GBX1: variants seen among roughly 807,000 people sequenced by gnomAD.
The protein encoded by GBX1 is homeobox protein GBX-1.
In GBX1, 9 loss-of-function variants were observed where a neutral mutation model predicts 22.9. The ratio of observed to expected loss-of-function variants is 0.39; its 90% CI spans 0.24 to 0.69. The LOEUF (loss-of-function observed/expected upper bound fraction) is 0.69. GBX1 is among the 30% of genes least tolerant of loss of function. The probability of loss-of-function intolerance (pLI) is 0.43; values close to 1 mark genes in which losing one functional copy is unlikely to be tolerated. For missense variants in GBX1, 494 were observed against 509.2 expected, an observed-to-expected ratio of 0.97 and a Z score of 0.29; for synonymous variants, 203 against 227.3, an observed-to-expected ratio of 0.89 and a Z score of 0.96.
intron 1 of GBX1, 56 bp downstream of exon 1, chr7:151,166,955 C>G (rs1190867824): frequency 1.9e-6 from 3 of 1,570,088 alleles, no homozygotes; most frequent in East Asian, 2.3e-5. Flanking sequence ...AGGTTCCTGT[C>G]TGGAATTTCC....
intron 1 of GBX1, among the ~76,000 whole-genome samples, chr7:151,165,470 C>T (rs926279083): frequency 2.6e-5 from 4 of 152,196 alleles, no homozygotes; most frequent in African/African-American, 9.7e-5. Context: ...CTTTGATGGC[C>T]TGTCTTACTC....
rs763817253 is a variant in GBX1 at position 151,157,363 on chromosome 7, T to G, written c.539-8221A>C. Among the ~76,000 whole-genome samples the G allele has an allele frequency of 1.0e-3, 154 of 152,184 alleles. 3 individuals are homozygous for G. The highest frequency in any genetic ancestry group is 2.9e-4 in the Non-Finnish European group (20 of 68,020). On this transcript the variant is annotated intron_variant, in intron 1 of 1. Transcript: ENST00000297537. ...AGCTTCTAGTTTACAACTTTCTCCC[T>G]CATTCCTCATAGAGCTCTTTCTCGT...
At chr7:151,155,334 C>T (rs1370698089) in intron 1 of GBX1, among the ~76,000 whole-genome samples, 3 of 152,144 alleles carry the variant, frequency 2.0e-5, no homozygotes, top group African/African-American at 7.2e-5. Context: ...ACATATTTGC[C>T]ATCACTCCCA....
chr7:151,167,184 G>C lies in GBX1; in HGVS notation c.365C>G (p.Ala122Gly). The change falls in exon 1 of 2, where the codon GCC (alanine) becomes GGC (glycine). Residue 122 changes from alanine (A) to glycine (G), a missense_variant. Ala to Gly is a moderately conservative substitution (Grantham distance 60). Coordinates refer to ENST00000297537, the MANE Select transcript of GBX1 (RefSeq NM_001098834.3). The surrounding 1 kb of genome is among the most constrained non-coding windows in gnomAD (Gnocchi z 5.9). ...GGCGGCGGCGGCGGCAGCGGCGGCG[G>C]CGAGCTCCTGGGGCCCGTAGAAAGC... ...PDAFYGPQEL[A>G]AAAAAAAATA... 1 of 1,574,516 alleles carries C rather than the reference G, an allele frequency of 6.4e-7. No homozygotes were observed.
At chr7:151,150,746 G>C (rs1370968395) in intron 1 of GBX1, among the ~76,000 whole-genome samples, 1 of 147,366 alleles carries the variant, frequency 6.8e-6, no homozygotes, top group African/African-American at 2.5e-5. Context: ...TCTTTCTTTT[G>C]AGACAGAGTG....
intron 1 of GBX1, among the ~76,000 whole-genome samples, chr7:151,152,172 T>C (rs896209839): frequency 2.6e-5 from 4 of 152,246 alleles, no homozygotes; most frequent in African/African-American, 4.8e-5. Flanking sequence ...AATAAGCATC[T>C]GTTGACTAAA....
At position 151,167,042 on chromosome 7, in the gene GBX1, C is replaced by T. The variant is rs776393157; in HGVS notation, c.507G>A (p.Pro169=). The T allele has an allele frequency of 2.5e-6, 4 of 1,601,486 alleles. No individual in the cohort carries two copies. Among genetic ancestry groups the T allele is most frequent in the East Asian group, 2.3e-5 (1 of 43,090 alleles). Residue 169 remains proline (P), a synonymous_variant, in exon 1 of 2, where the codon CCG becomes CCA. Coordinates refer to ENST00000297537, the MANE Select transcript of GBX1 (RefSeq NM_001098834.3). The surrounding 1 kb of genome is among the most constrained non-coding windows in gnomAD (Gnocchi z 5.9). The part of the protein sequence containing the change: ...KVAEPPPPPP[P]HFSETFPSLP... ...GACTTGGAAAAGTCTCTGAGAAGTG[C>T]GGAGGCGGAGGTGGTGGGGGCTCTG... is the stretch of plus-strand genomic sequence containing the variant.
Position 151,167,510 on chromosome 7 carries a change from G to C in GBX1, c.39C>G (p.Asn13Lys). 2.0e-6 allele frequency: 3 copies of C among 1,481,904 alleles called. No homozygotes were observed. Among genetic ancestry groups the C allele is most frequent in the Non-Finnish European group, 2.7e-6 (3 of 1,125,844 alleles). 91.8% of individuals were successfully genotyped at this position (1,481,904 alleles called of 1,614,324 possible). A position where few individuals can be genotyped will look rare whatever the true frequency, so the allele number is the denominator to read the frequency against. The change falls in exon 1 of 2, where the codon AAC (asparagine) becomes AAG (lysine). Residue 13 changes from asparagine (N) to lysine (K), a missense_variant. Asn to Lys is a moderately conservative substitution (Grantham distance 94, BLOSUM62 0). Transcript: ENST00000297537. This position sits in a 1 kb window ranked among gnomAD's most constrained non-coding sequence, Gnocchi z 5.9. ...CCGGGCCCCCGCCGCCGCCCCCGCC[G>C]TTGCCCCCAGGGGCGCTACCGCCTC... ...RAGGGSAPGG[N>K]GGGGGGGPGT...
At chr7:151,151,024 G>A (rs567577226) in intron 1 of GBX1, among the ~76,000 whole-genome samples, 2 of 152,286 alleles carry the variant, frequency 1.3e-5, no homozygotes, top group South Asian at 2.1e-4. Flanking sequence ...GAGCCACTGC[G>A]CCCAGCTGAC....
intron 1 of GBX1, chr7:151,149,814 T>C: frequency 4.7e-6 from 2 of 428,730 alleles, no homozygotes; most frequent in Admixed American, 2.5e-5. Flanking sequence ...CTCCCAGCCA[T>C]GCAGCACCTT....
Position 151,167,262 on chromosome 7 carries a change from G to T in GBX1, c.287C>A (p.Pro96His). Reference protein sequence around the residue: ...TFCAGLGQAVPSMVALTTALP... With the variant: ...TFCAGLGQAVHSMVALTTALP... ...CGCGGTGGTCAGCGCCACCATCGAG[G>T]GCACAGCCTGACCCAGCCCCGCGCA... The change falls in exon 1 of 2, where the codon CCC becomes CAC. Residue 96 changes from proline to histidine, a missense_variant. Around this residue, in one of 3 missense-constraint regions of GBX1, gnomAD observed 365 missense variants for 340.4 expected, o/e 1.07. Transcript: ENST00000297537. The surrounding 1 kb of genome is among the most constrained non-coding windows in gnomAD (Gnocchi z 5.9). 6.5e-7 allele frequency: 1 copy of T among 1,549,596 alleles called. No individual in the cohort carries two copies. The highest frequency in any genetic ancestry group is 2.5e-5 in the East Asian group (1 of 40,188).
intron 1 of GBX1, among the ~76,000 whole-genome samples, chr7:151,154,508 C>T (rs116397111): frequency 0.013 from 2,009 of 152,222 alleles, 50 homozygotes; most frequent in African/African-American, 0.046. Context: ...ATTGAGTTTC[C>T]AGCTTGTTCC....
At chr7:151,160,343 CCTCTG>C (rs1356032183) in intron 1 of GBX1, among the ~76,000 whole-genome samples, 1 of 152,168 alleles carries the variant, frequency 6.6e-6, no homozygotes, top group East Asian at 1.9e-4. Context: ...AATGGAGACA[CCTCTG>C]CATTACTTCT....
chr7:151,157,560 C>A (rs60316221), intron 1 of GBX1, among the ~76,000 whole-genome samples: 4,686 of 152,226 alleles, frequency 0.031, 240 homozygotes, highest in African/African-American at 0.11. Context: ...TTCAGTATTT[C>A]TTCCTAATAC....
intron 1 of GBX1, among the ~76,000 whole-genome samples, chr7:151,160,791 C>A (rs1368596398): frequency 1.3e-5 from 2 of 152,222 alleles, no homozygotes; most frequent in Non-Finnish European, 2.9e-5. Context: ...TTTCTCCCAA[C>A]AAGCTCAGAC....
Position 151,159,270 on chromosome 7 carries a change from G to A in GBX1, c.538+7741C>T, listed in dbSNP as rs111987010. ...TAGCTAATTTTCTGTATTTTTTGTA[G>A]AGACGGGATTTTGCCATGTTGCCCA... is the stretch of plus-strand genomic sequence containing the variant. On this transcript the variant is annotated intron_variant, in intron 1 of 1. Transcript: ENST00000297537. 2.8e-3 allele frequency among the ~76,000 whole-genome samples: 421 copies of A among 152,072 alleles called. 2 individuals carry two copies. The highest frequency in any genetic ancestry group is 9.6e-3 in the African/African-American group (396 of 41,462).
Position 151,148,891 on chromosome 7 carries a change from G to T in GBX1, c.790C>A (p.Arg264Ser). 6.2e-7 allele frequency: 1 copy of T among 1,614,068 alleles called. No individual in the cohort carries two copies. Among genetic ancestry groups the T allele is most frequent in the Non-Finnish European group, 8.5e-7 (1 of 1,180,022 alleles). Residue 264 changes from arginine to serine, a missense_variant, in exon 2 of 2, where the codon CGC (arginine) becomes AGC (serine). Coordinates refer to ENST00000297537, the MANE Select transcript of GBX1 (RefSeq NM_001098834.3). This position sits in a 1 kb window ranked among gnomAD's most constrained non-coding sequence, Gnocchi z 5.1. ...TGCTCGCTGGTAAATGCTGTGCGGC[G>T]CCGTCGGCTTTTCCCCCCAGGAGCT... is the stretch of plus-strand genomic sequence containing the variant. Reference protein sequence around the residue: ...VTAPGGKSRRRRTAFTSEQLL... With the variant: ...VTAPGGKSRRSRTAFTSEQLL...
intron 1 of GBX1, among the ~76,000 whole-genome samples, chr7:151,166,445 C>G (rs1801250370): frequency 6.7e-6 from 1 of 148,264 alleles, no homozygotes; most frequent in Admixed American, 6.7e-5. Context: ...CTGAATCTGC[C>G]AATTCAGAAG....
At chr7:151,149,653 C>T (rs1248271892) in intron 1 of GBX1, 3 of 297,008 alleles carry the variant, frequency 1.0e-5, no homozygotes, top group Non-Finnish European at 2.0e-5. Flanking sequence ...CTGACCTTGG[C>T]AGGACAGACG....
Sources: allele counts gnomAD v4.1 joint callset (sites outside exome capture counted in the v4.1 genomes callset), GRCh38; gene constraint gnomAD v4.1.1; regional missense constraint gnomAD v4.1.1; non-coding constraint Gnocchi (gnomAD v3.1); transcripts MANE v1.5; gene names NCBI Gene and HGNC (gene_info 2026-07-23, HGNC 2026-07-21).